The following EPS8L2 variants were observed in gnomAD, a reference collection of about 807,000 sequenced individuals.
EPS8L2 encodes the protein epidermal growth factor receptor kinase substrate 8-like protein 2.
EPS8L2 carries 81 observed loss-of-function variants against 99.4 expected under a neutral mutation model. The ratio of observed to expected loss-of-function variants is 0.82; its 90% CI spans 0.68 to 0.98. The LOEUF (loss-of-function observed/expected upper bound fraction) is 0.98. Ranked by LOEUF, EPS8L2 falls within the 50% of genes least tolerant of loss-of-function variation. The probability of loss-of-function intolerance (pLI) is 0.00; values close to 1 mark genes in which losing one functional copy is unlikely to be tolerated. For synonymous variants in EPS8L2, 509 were observed against 407.3 expected, an observed-to-expected ratio of 1.25 and a Z score of -3.01; for missense variants, 1,155 against 968.8, an observed-to-expected ratio of 1.19 and a Z score of -2.55.
intron 9 of EPS8L2, 72 bp from the exon 10 acceptor site, chr11:721,493 G>A: frequency 2.0e-6 from 3 of 1,512,186 alleles, no homozygotes; most frequent in Non-Finnish European, 2.7e-6. Flanking sequence ...CATCATCTGT[G>A]GGGCTGTCCC....
intron 1 of EPS8L2, among the ~76,000 whole-genome samples, chr11:707,424 C>T (rs11246280): frequency 0.62 from 93,977 of 152,036 alleles, 30,873 homozygotes; most frequent in African/African-American, 0.86. Context: ...GGAGCTGGAA[C>T]TTGAACTTGG....
rs774402202 is a variant in EPS8L2, at chr11:727,022, A to C, written c.*41A>C. ...GCTGGGGCCTGCGGAGGGGAAGCCC[A>C]CCCACAATGCATGGAGTATTATTTT... On this transcript the variant is annotated 3_prime_UTR_variant, in exon 21 of 21. Transcript: ENST00000318562. The C allele has an allele frequency of 7.6e-7, 1 of 1,316,760 alleles. No individual in the cohort carries two copies. The highest frequency in any genetic ancestry group is 1.2e-5 in the South Asian group (1 of 83,608). 81.6% of individuals were successfully genotyped at this position (1,316,760 alleles called of 1,614,324 possible).
chr11:715,320 C>T lies in EPS8L2; in HGVS notation c.166-4742C>T, dbSNP rs554036764. On this transcript the variant is annotated intron_variant, in intron 4 of 20. Coordinates refer to ENST00000318562, the MANE Select transcript of EPS8L2 (RefSeq NM_022772.4). ...TGTTAGGATTTGCCAGTGCTGCCCT[C>T]GGAGCACAGGATTTTCTTTGTGGGA... Among the ~76,000 whole-genome samples, 6 of 152,078 alleles carry T rather than the reference C, an allele frequency of 3.9e-5. No homozygotes were observed. The South Asian group carries it at 1.0e-3, about 26-fold the overall frequency.
Position 726,390 on chromosome 11 carries a change from G to A in EPS8L2, c.1840G>A (p.Val614Met), listed in dbSNP as rs755535370. 1.2e-6 allele frequency: 2 copies of A among 1,609,258 alleles called. No individual in the cohort carries two copies. The highest frequency in any genetic ancestry group is 1.7e-6 in the Non-Finnish European group (2 of 1,178,692). ...GGCGCAGCCACAGAGGCACTTCCGC[G>A]TGGAGCGCAGCCAGCCCGTGAGCCA... ...IRAQPQRHFR[V>M]ERSQPVSQPL... The change falls in exon 19 of 21, where the codon GTG becomes ATG. Residue 614 changes from valine to methionine, a missense_variant. By Grantham distance (21) the Val-to-Met change is conservative. Transcript: ENST00000318562.
At chr11:722,873 C>CA in intron 14 of EPS8L2, 68 bp downstream of exon 14, 1 of 1,074,870 alleles carries the variant, frequency 9.3e-7, no homozygotes, top group Admixed American at 2.6e-5. Flanking sequence ...AGCTCCCCCC[C>CA]AGCCCTGACA....
intron 15 of EPS8L2, 55 bp downstream of exon 15, chr11:723,408 G>A (rs1862242046): frequency 3.8e-6 from 3 of 793,512 alleles, no homozygotes; most frequent in South Asian, 4.1e-5. Context: ...AGAACCTACA[G>A]TCTCTAAAAA....
intron 1 of EPS8L2, among the ~76,000 whole-genome samples, chr11:707,449 C>T (rs773048556): frequency 2.0e-5 from 3 of 152,134 alleles, no homozygotes; most frequent in Non-Finnish European, 4.4e-5. Flanking sequence ...CGTCCCTCTA[C>T]CCTCCTGCCC....
intron 4 of EPS8L2, among the ~76,000 whole-genome samples, chr11:715,435 C>G (rs1225799949): frequency 2.0e-5 from 3 of 151,928 alleles, no homozygotes; most frequent in Non-Finnish European, 4.4e-5. Context: ...TGTGTTTTCT[C>G]TAGTATTTTT....
chr11:723,242 T>A lies in EPS8L2; in HGVS notation c.1343T>A (p.Val448Glu). The A allele has an allele frequency of 1.3e-6, 2 of 1,591,134 alleles. No homozygotes were observed. The highest frequency in any genetic ancestry group is 1.7e-6 in the Non-Finnish European group (2 of 1,169,322). ...TCAGGTCGCCCACCTTCCCCACAGG[T>A]GAGTCCAGTGAGCCGACAGTCCATA... ...EGLASAPIEE[V>E]SPVSRQSIRN... The change falls in exon 15 of 21, where the codon GTG becomes GAG. Residue 448 changes from valine to glutamate, a missense_variant and splice_region_variant. Coordinates refer to ENST00000318562, the MANE Select transcript of EPS8L2 (RefSeq NM_022772.4).
At chr11:725,670 G>A (rs1862292932) in intron 16 of EPS8L2, 58 bp from the exon 17 acceptor site, 2 of 1,281,684 alleles carry the variant, frequency 1.6e-6, no homozygotes, top group Non-Finnish European at 9.8e-7. Context: ...GGCGCCAGCG[G>A]GTGGTCCCAG....
intron 4 of EPS8L2, among the ~76,000 whole-genome samples, chr11:711,068 A>G (rs1292433151): frequency 6.6e-6 from 1 of 152,188 alleles, no homozygotes; most frequent in Non-Finnish European, 1.5e-5. Flanking sequence ...GGGAGCAGGC[A>G]GAACAAAGAC....
intron 9 of EPS8L2, 78 bp from the exon 10 acceptor site, chr11:721,487 A>G: frequency 6.6e-7 from 1 of 1,509,574 alleles, no homozygotes; most frequent in Non-Finnish European, 8.8e-7. Flanking sequence ...TCCTCCCATC[A>G]TCTGTGGGGC....
intron 4 of EPS8L2, among the ~76,000 whole-genome samples, chr11:712,951 G>A (rs1458743065): frequency 6.6e-6 from 1 of 152,238 alleles, no homozygotes; most frequent in Admixed American, 6.5e-5. Context: ...TTCGGGAGGA[G>A]CCTGGGGCCT....
At chr11:711,884 G>A (rs1861899443) in intron 4 of EPS8L2, among the ~76,000 whole-genome samples, 1 of 152,038 alleles carries the variant, frequency 6.6e-6, no homozygotes, top group South Asian at 2.1e-4. Flanking sequence ...TCGGGAGGCT[G>A]AGGCAGGAGA....
At position 720,416 on chromosome 11, in the gene EPS8L2, C is replaced by A. The variant is rs527505904; in HGVS notation, c.328-181C>A. On this transcript the variant is annotated intron_variant, in intron 5 of 20. Coordinates refer to ENST00000318562, the MANE Select transcript of EPS8L2 (RefSeq NM_022772.4). ...CTGAGAGTCCAGGGAAGTTTGGAAGCCGGGGTCAGCCTTGCGGTACAGCTG... is the reference window on the plus strand; with the variant it reads ...CTGAGAGTCCAGGGAAGTTTGGAAGACGGGGTCAGCCTTGCGGTACAGCTG... 2.0e-4 allele frequency: 233 copies of A among 1,145,976 alleles called. No individual in the cohort carries two copies. The African/African-American group carries it at 3.3e-3, about 16-fold the overall frequency. 71.0% of individuals were successfully genotyped at this position (1,145,976 alleles called of 1,614,324 possible).
chr11:711,259 TGC>T lies in EPS8L2; in HGVS notation c.165+775_165+776del, dbSNP rs1227932524. Reference sequence around the variant, plus strand: ...GGTTTTGTGTGCGTGTGTGCGTGTGTGCGTGCGTGCGTGTGTGTGTGTGTGTG... The same window carrying T: ...GGTTTTGTGTGCGTGTGTGCGTGTGTGTGCGTGCGTGTGTGTGTGTGTGTG... On this transcript the variant is annotated intron_variant, in intron 4 of 20. Coordinates refer to ENST00000318562, the MANE Select transcript of EPS8L2 (RefSeq NM_022772.4). 4.5e-3 allele frequency among the ~76,000 whole-genome samples: 592 copies of T among 132,814 alleles called. 2 individuals carry two copies. The highest frequency in any genetic ancestry group is 7.5e-3 in the African/African-American group (269 of 36,082). 87.1% of individuals were successfully genotyped at this position (132,814 alleles called of 152,430 possible). A position where few individuals can be genotyped will look rare whatever the true frequency, so the allele number is the denominator to read the frequency against.
chr11:726,612 C>T lies in EPS8L2; in HGVS notation c.1935-7C>T, dbSNP rs1862334075. 6.5e-7 allele frequency: 1 copy of T among 1,547,422 alleles called. No individual in the cohort carries two copies. Among genetic ancestry groups the T allele is most frequent in the Admixed American group, 2.0e-5 (1 of 50,660 alleles). ...CGCGGCCCTGACGCCCAACTGCCCG[C>T]CCCCAGGATCGTGGAGAACCTGGGC... On this transcript the variant is annotated splice_region_variant and splice_polypyrimidine_tract_variant and intron_variant, in intron 19 of 20. Coordinates refer to ENST00000318562, the MANE Select transcript of EPS8L2 (RefSeq NM_022772.4).
At chr11:716,374 T>G (rs1314421443) in intron 4 of EPS8L2, among the ~76,000 whole-genome samples, 1 of 152,072 alleles carries the variant, frequency 6.6e-6, no homozygotes, top group Non-Finnish European at 1.5e-5. Flanking sequence ...GGTCTTGATC[T>G]CCTGACTTTG....
At chr11:723,962 T>C (rs887715268) in intron 15 of EPS8L2, among the ~76,000 whole-genome samples, 1 of 152,220 alleles carries the variant, frequency 6.6e-6, no homozygotes, top group Non-Finnish European at 1.5e-5. Flanking sequence ...TAAGCAAGCA[T>C]GGCCTCCCCT....
Sources: gnomAD v4.1 joint callset for allele counts (sites outside exome capture counted in the v4.1 genomes callset) on GRCh38, gnomAD v4.1.1 for gene constraint, MANE v1.5 for transcripts, NCBI Gene and HGNC (gene_info 2026-07-23, HGNC 2026-07-21) for gene names.